The following CCDC138 variants were observed in gnomAD, a reference collection of about 807,000 sequenced individuals.
CCDC138 encodes the protein coiled-coil domain-containing protein 138.
CCDC138 carries 66 observed loss-of-function variants against 82.3 expected under a neutral mutation model. That is an observed-to-expected ratio of 0.80 (90% confidence interval 0.66 to 0.98). The LOEUF is 0.98. CCDC138 is among the 50% of genes least tolerant of loss of function. The pLI, the probability that CCDC138 is intolerant of heterozygous loss-of-function variation, is 0.00. For synonymous variants in CCDC138, 297 were observed against 265.4 expected, an observed-to-expected ratio of 1.12 and a Z score of -1.16; for missense variants, 816 against 758.9, an observed-to-expected ratio of 1.08 and a Z score of -0.88.
chr2:108,817,299 CTT>C (rs35517828), intron 10 of CCDC138, among the ~76,000 whole-genome samples: 4 of 144,152 alleles, frequency 2.8e-5, no homozygotes, highest in Non-Finnish European at 3.1e-5. Context: ...AATCTTTTTT[CTT>C]TTTTTTTTTT....
chr2:108,884,046 G>A (rs116484180), intron 2 of CCDC138: 2 of 152,286 alleles, frequency 1.3e-5, no homozygotes, highest in Non-Finnish European at 2.9e-5. Context: ...TGGGACTATA[G>A]GCATGCGCCA....
At chr2:108,842,669 G>T (rs1189442397) in intron 11 of CCDC138, among the ~76,000 whole-genome samples, 3 of 152,152 alleles carry the variant, frequency 2.0e-5, no homozygotes, top group Non-Finnish European at 2.9e-5. Flanking sequence ...CATTAGGGAG[G>T]AGTTGTCTAA....
chr2:108,815,988 C>G lies in CCDC138; in HGVS notation c.1089C>G (p.Asp363Glu). 6.2e-7 allele frequency: 1 copy of G among 1,613,216 alleles called. No homozygotes were observed. The highest frequency in any genetic ancestry group is 8.5e-7 in the Non-Finnish European group (1 of 1,179,396). Residue 363 changes from aspartate to glutamate, a missense_variant, in exon 10 of 15, where the codon GAC becomes GAG. Transcript: ENST00000295124. ...QVYELLTVFM[D>E]WISDHHLSKV... ...ATGAACTTTTAACTGTCTTCATGGA[C>G]TGGATTTCGGATCATCATCTTAGCA...
chr2:108,880,306 A>G (rs965547815), downstream of CCDC138, among the ~76,000 whole-genome samples: 1 of 152,134 alleles, frequency 6.6e-6, no homozygotes, highest in African/African-American at 2.4e-5. Flanking sequence ...ATGTTCATAG[A>G]TAGGAAGACT....
At chr2:108,862,268 T>G (rs532906387) in intron 13 of CCDC138, among the ~76,000 whole-genome samples, 24 of 152,246 alleles carry the variant, frequency 1.6e-4, no homozygotes, top group African/African-American at 5.5e-4. Flanking sequence ...ATGGGTTATC[T>G]TACCTTACTA....
At chr2:108,803,283 G>C (rs577504756) in intron 6 of CCDC138, among the ~76,000 whole-genome samples, 7 of 152,348 alleles carry the variant, frequency 4.6e-5, no homozygotes, top group African/African-American at 1.4e-4. Flanking sequence ...GTAAACACCA[G>C]AGTGAGAGGA....
chr2:108,815,853 A>T (rs1684695749), intron 9 of CCDC138, 88 bp from the exon 10 acceptor site: 3 of 1,095,192 alleles, frequency 2.7e-6, no homozygotes, highest in Non-Finnish European at 4.0e-6. Context: ...TAGTCAAATT[A>T]TTCTTATTAC....
At chr2:108,867,210 G>C (rs1010424873) in intron 13 of CCDC138, among the ~76,000 whole-genome samples, 1 of 152,110 alleles carries the variant, frequency 6.6e-6, no homozygotes, top group Non-Finnish European at 1.5e-5. Context: ...CCAGGGCAGT[G>C]ATAAGAGGAA....
At chr2:108,878,112 A>G (rs1326596309), downstream of CCDC138, among the ~76,000 whole-genome samples, 1 of 152,254 alleles carries the variant, frequency 6.6e-6, no homozygotes, top group Non-Finnish European at 1.5e-5. Context: ...AAGAGATGAA[A>G]GAAAACAGTT....
intron 14 of CCDC138, among the ~76,000 whole-genome samples, chr2:108,874,167 AAAGAT>A (rs1695682948): frequency 1.3e-5 from 2 of 152,172 alleles, no homozygotes; most frequent in African/African-American, 4.8e-5. Context: ...GTGAAAATAA[AAAGAT>A]AAAAGTATTT....
intron 10 of CCDC138, among the ~76,000 whole-genome samples, chr2:108,838,553 C>T (rs1038592087): frequency 2.0e-5 from 3 of 151,976 alleles, no homozygotes; most frequent in Non-Finnish European, 2.9e-5. Flanking sequence ...TCTGTTAGAG[C>T]CTTAGAATAT....
At chr2:108,859,835 G>A (rs1329575688) in intron 13 of CCDC138, among the ~76,000 whole-genome samples, 1 of 151,466 alleles carries the variant, frequency 6.6e-6, no homozygotes. Flanking sequence ...CTAATTCTGT[G>A]AAGAATAATG....
intron 12 of CCDC138, among the ~76,000 whole-genome samples, chr2:108,851,948 T>C (rs1691584891): frequency 6.6e-6 from 1 of 152,194 alleles, no homozygotes; most frequent in Non-Finnish European, 1.5e-5. Flanking sequence ...AACGATACAA[T>C]CTGCATTTGA....
At chr2:108,794,514 TA>T in intron 4 of CCDC138, 25 bp from the exon 5 acceptor site, 1 of 1,568,770 alleles carries the variant, frequency 6.4e-7, no homozygotes, top group Non-Finnish European at 8.7e-7. Context: ...ATAAAGTTTA[TA>T]ATGCAAATGT....
chr2:108,848,105 T>C (rs1277241962), intron 12 of CCDC138, among the ~76,000 whole-genome samples: 2 of 152,156 alleles, frequency 1.3e-5, no homozygotes, highest in African/African-American at 4.8e-5. Context: ...TCAAATAATA[T>C]TAGTATCAAG....
intron 6 of CCDC138, 101 bp downstream of exon 6, chr2:108,798,687 CTTCCT>C: frequency 3.8e-6 from 3 of 791,124 alleles, no homozygotes. Context: ...TTCTCCTTCC[CTTCCT>C]CCTCCTCTCC....
At chr2:108,787,998 G>A (rs1250491572) in intron 1 of CCDC138, 34 bp from the exon 2 acceptor site, 2 of 1,433,756 alleles carry the variant, frequency 1.4e-6, no homozygotes, top group Admixed American at 2.2e-5. Flanking sequence ...TTGATTTTTA[G>A]TATACAAATT....
intron 10 of CCDC138, among the ~76,000 whole-genome samples, chr2:108,831,106 C>T (rs1687513999): frequency 6.6e-6 from 1 of 151,974 alleles, no homozygotes; most frequent in South Asian, 2.1e-4. Context: ...ACCCCGGAGG[C>T]AGAAGTTTCA....
chr2:108,847,600 T>C (rs1463346735), intron 12 of CCDC138, among the ~76,000 whole-genome samples: 1 of 152,224 alleles, frequency 6.6e-6, no homozygotes, highest in Non-Finnish European at 1.5e-5. Flanking sequence ...GTGTTTAATA[T>C]TTAGCTATAA....
Sources: gnomAD v4.1 joint callset for allele counts (sites outside exome capture counted in the v4.1 genomes callset) on GRCh38, gnomAD v4.1.1 for gene constraint, MANE v1.5 for transcripts, NCBI Gene and HGNC (gene_info 2026-07-23, HGNC 2026-07-21) for gene names.